The following FAM78B variants were observed in gnomAD, a reference collection of about 807,000 sequenced individuals.
The protein encoded by FAM78B is protein FAM78B.
FAM78B carries 10 observed loss-of-function variants against 20.0 expected under a neutral mutation model. That is an observed-to-expected ratio of 0.50 (90% CI 0.31 to 0.85). The LOEUF is 0.85. FAM78B is among the 40% of genes least tolerant of loss of function. FAM78B has a pLI of 0.05. For synonymous variants in FAM78B, 135 were observed against 132.8 expected, an observed-to-expected ratio of 1.02 and a Z score of -0.12; for missense variants, 283 against 345.0, an observed-to-expected ratio of 0.82 and a Z score of 1.42.
downstream of FAM78B, among the ~76,000 whole-genome samples, chr1:166,065,998 T>G (rs563455802): frequency 6.6e-6 from 1 of 152,336 alleles, no homozygotes; most frequent in African/African-American, 2.4e-5. Flanking sequence ...AATGTTTAAT[T>G]GTGCCCTCAG....
chr1:166,090,082 A>T (rs969142812), intron 1 of FAM78B, among the ~76,000 whole-genome samples: 1 of 152,130 alleles, frequency 6.6e-6, no homozygotes, highest in Non-Finnish European at 1.5e-5. Flanking sequence ...TTTCAAAATA[A>T]AAGTGAGGTC....
intron 1 of FAM78B, among the ~76,000 whole-genome samples, chr1:166,091,744 T>C (rs1275154609): frequency 6.6e-6 from 1 of 152,228 alleles, no homozygotes; most frequent in East Asian, 1.9e-4. Flanking sequence ...ATGGACTTAG[T>C]ACCTTACATT....
chr1:166,117,706 G>A (rs1337591178), intron 1 of FAM78B, among the ~76,000 whole-genome samples: 1 of 152,214 alleles, frequency 6.6e-6, no homozygotes, highest in African/African-American at 2.4e-5. Context: ...TGGTCTGAAA[G>A]AATGCACTTA....
At chr1:166,109,320 C>T (rs1436282891) in intron 1 of FAM78B, among the ~76,000 whole-genome samples, 2 of 151,880 alleles carry the variant, frequency 1.3e-5, no homozygotes, top group African/African-American at 4.8e-5. Context: ...AAGAAAAAAA[C>T]AAACAATCCA....
intron 1 of FAM78B, among the ~76,000 whole-genome samples, chr1:166,095,004 A>G (rs1266415860): frequency 6.6e-6 from 1 of 152,172 alleles, no homozygotes; most frequent in African/African-American, 2.4e-5. Flanking sequence ...AAGGTGACCA[A>G]ATCAGCAGGT....
intron 1 of FAM78B, among the ~76,000 whole-genome samples, chr1:166,162,932 T>C (rs1656206444): frequency 6.6e-6 from 1 of 152,154 alleles, no homozygotes. Context: ...ACCTCAGAGT[T>C]CACCTTGAGT....
At chr1:166,164,255 A>G (rs1168715175) in intron 1 of FAM78B, among the ~76,000 whole-genome samples, 1 of 152,204 alleles carries the variant, frequency 6.6e-6, no homozygotes, top group Admixed American at 6.5e-5. Context: ...TGCTGTGGGG[A>G]GCACTTGCTG....
intron 1 of FAM78B, among the ~76,000 whole-genome samples, chr1:166,121,976 A>G (rs1194522938): frequency 6.6e-6 from 1 of 152,182 alleles, no homozygotes; most frequent in Non-Finnish European, 1.5e-5. Flanking sequence ...CGGAGCACCC[A>G]TTGTGTACTC....
chr1:166,077,668 TATA>T (rs1652334575), intron 1 of FAM78B, among the ~76,000 whole-genome samples: 1 of 140,382 alleles, frequency 7.1e-6, no homozygotes, highest in South Asian at 2.1e-4. Flanking sequence ...AATAAATACA[TATA>T]ATTATATATT....
intron 1 of FAM78B, among the ~76,000 whole-genome samples, chr1:166,160,429 G>A (rs191860025): frequency 1.9e-4 from 29 of 152,292 alleles, no homozygotes; most frequent in South Asian, 1.0e-3. Flanking sequence ...GCAAGGCTTC[G>A]GTGTTTGCTG....
chr1:166,088,645 C>T (rs1311281391), intron 1 of FAM78B, among the ~76,000 whole-genome samples: 1 of 152,204 alleles, frequency 6.6e-6, no homozygotes, highest in African/African-American at 2.4e-5. Flanking sequence ...GACTGGCATA[C>T]AGCTATGGCC....
At chr1:166,137,102 G>C (rs1655094529) in intron 1 of FAM78B, among the ~76,000 whole-genome samples, 1 of 152,248 alleles carries the variant, frequency 6.6e-6, no homozygotes, top group Non-Finnish European at 1.5e-5. Flanking sequence ...TAGAGAGCAT[G>C]AGGTTGGAAG....
At chr1:166,145,819 T>A (rs1229471784) in intron 1 of FAM78B, among the ~76,000 whole-genome samples, 1 of 152,240 alleles carries the variant, frequency 6.6e-6, no homozygotes, top group Non-Finnish European at 1.5e-5. Flanking sequence ...AGTAGTGTGG[T>A]AAAGTAAACA....
intron 1 of FAM78B, among the ~76,000 whole-genome samples, chr1:166,093,692 T>A (rs1048412050): frequency 4.6e-5 from 7 of 151,938 alleles, no homozygotes; most frequent in Non-Finnish European, 4.4e-5. Context: ...AGAATTCTGA[T>A]CAGCCGAGGC....
At chr1:166,138,554 A>G (rs561625144) in intron 1 of FAM78B, among the ~76,000 whole-genome samples, 1 of 152,344 alleles carries the variant, frequency 6.6e-6, no homozygotes, top group South Asian at 2.1e-4. Flanking sequence ...TAAAGAGATC[A>G]CACATCTTCG....
chr1:166,121,197 C>T (rs756280465), intron 1 of FAM78B, among the ~76,000 whole-genome samples: 3 of 152,164 alleles, frequency 2.0e-5, no homozygotes, highest in Admixed American at 6.5e-5. Context: ...GAACACACAT[C>T]GGTGTGGACA....
At chr1:166,127,948 T>C (rs1654702551) in intron 1 of FAM78B, among the ~76,000 whole-genome samples, 1 of 152,232 alleles carries the variant, frequency 6.6e-6, no homozygotes, top group South Asian at 2.1e-4. Flanking sequence ...AAGTAGCAGA[T>C]ATAAAACATA....
intron 1 of FAM78B, among the ~76,000 whole-genome samples, chr1:166,120,769 G>A (rs896839796): frequency 6.6e-6 from 1 of 152,230 alleles, no homozygotes; most frequent in African/African-American, 2.4e-5. Flanking sequence ...CACGTGGTGA[G>A]CAGAGGACAT....
intron 1 of FAM78B, among the ~76,000 whole-genome samples, chr1:166,111,715 G>T (rs1249221878): frequency 1.3e-5 from 2 of 152,122 alleles, no homozygotes; most frequent in Admixed American, 6.6e-5. Flanking sequence ...TTTTTCAGGG[G>T]ATCCAACGAA....
Sources: allele counts gnomAD v4.1 joint callset (sites outside exome capture counted in the v4.1 genomes callset), GRCh38; gene constraint gnomAD v4.1.1; transcripts MANE v1.5; gene names NCBI Gene and HGNC (gene_info 2026-07-23, HGNC 2026-07-21).